The following SPATA7 variants were observed in gnomAD, a reference collection of about 807,000 sequenced individuals.
The protein encoded by SPATA7 is spermatogenesis associated 7.
Under a neutral mutation model 51.8 loss-of-function variants are expected in SPATA7, and 43 were observed. That is an observed-to-expected ratio of 0.83 (90% CI 0.65 to 1.07). SPATA7 has a LOEUF of 1.07. Among genes scored for constraint, SPATA7 ranks in the 50% least tolerant of loss-of-function variants. The pLI is 0.00. For missense variants in SPATA7, 683 were observed against 701.3 expected (o/e 0.97, Z 0.30); for synonymous variants, 230 against 252.8 (o/e 0.91, Z 0.86).
At chr14:88,435,764 C>T (rs2077069245) in intron 10 of SPATA7, among the ~76,000 whole-genome samples, 1 of 152,098 alleles carries the variant, frequency 6.6e-6, no homozygotes, top group Non-Finnish European at 1.5e-5. Context: ...CAGGATCTCA[C>T]TTTTTTAATG....
In SPATA7 at chr14:88,469,501, A is replaced by G. The variant is rs2077421544; in HGVS notation, c.255-346A>G. 4 of 1,610,156 alleles carry G rather than the reference A, an allele frequency of 2.5e-6. No homozygotes were observed. Among genetic ancestry groups the G allele is most frequent in the Non-Finnish European group, 3.4e-6 (4 of 1,176,430 alleles). On this transcript the variant is annotated intron_variant, in intron 4 of 4. Transcript: ENST00000556406. The surrounding 1 kb of genome is among the most constrained non-coding windows in gnomAD (Gnocchi z 4.3). ...GGAACAAAGTTAAAGTCACTCACATAAAAATCCCTTGAGGTCTTCTGGACA... is the reference window on the plus strand; with the variant it reads ...GGAACAAAGTTAAAGTCACTCACATGAAAATCCCTTGAGGTCTTCTGGACA...
At chr14:88,468,237 A>G (rs1340117983) in intron 4 of SPATA7, 3 of 1,610,576 alleles carry the variant, frequency 1.9e-6, no homozygotes, top group South Asian at 1.1e-5. Context: ...TTGCCTCAGC[A>G]TGTCCAGCAC....
chr14:88,466,674 ACT>A (rs777926353), intron 4 of SPATA7: 8 of 151,850 alleles, frequency 5.3e-5, no homozygotes, highest in Admixed American at 1.3e-4. Flanking sequence ...CAGAGATGAC[ACT>A]CTCCCCCTGT....
intron 4 of SPATA7, among the ~76,000 whole-genome samples, chr14:88,400,560 G>A (rs73321843): frequency 0.035 from 5,370 of 152,256 alleles, 310 homozygotes; most frequent in African/African-American, 0.12. Context: ...GAGGCCACAT[G>A]TGGTGGCTCA....
At chr14:88,441,248 C>G (rs976247766), downstream of SPATA7, among the ~76,000 whole-genome samples, 1 of 151,844 alleles carries the variant, frequency 6.6e-6, no homozygotes, top group Admixed American at 6.6e-5. Context: ...ACTTGTTGAT[C>G]GATGGGCATA....
chr14:88,416,994 C>G (rs2076497772), intron 5 of SPATA7, 150 bp downstream of exon 5: 1 of 645,166 alleles, frequency 1.5e-6, no homozygotes, highest in Admixed American at 3.0e-5. Context: ...GTTCAGGCCT[C>G]TGTCACAACT....
chr14:88,397,040 C>T (rs962277223), intron 4 of SPATA7, among the ~76,000 whole-genome samples: 6 of 152,024 alleles, frequency 3.9e-5, no homozygotes, highest in Admixed American at 1.3e-4. Flanking sequence ...CAAGCCACCA[C>T]GCACAGCTAA....
At chr14:88,420,585 T>G (rs2076614500) in intron 5 of SPATA7, among the ~76,000 whole-genome samples, 1 of 152,176 alleles carries the variant, frequency 6.6e-6, no homozygotes, top group African/African-American at 2.4e-5. Flanking sequence ...TTTGAACTTT[T>G]AAATTTTGAA....
chr14:88,466,153 G>A (rs1227558969), intron 4 of SPATA7: 1 of 152,024 alleles, frequency 6.6e-6, no homozygotes. Flanking sequence ...TTCTTCTAAG[G>A]AGCTCGTTCT....
intron 5 of SPATA7, among the ~76,000 whole-genome samples, chr14:88,420,463 G>A (rs1035392882): frequency 3.9e-5 from 6 of 152,148 alleles, no homozygotes; most frequent in African/African-American, 1.2e-4. Flanking sequence ...AATCATTAAT[G>A]TGCAGATCGT....
chr14:88,408,945 C>T (rs968448929), intron 4 of SPATA7, among the ~76,000 whole-genome samples: 1 of 152,070 alleles, frequency 6.6e-6, no homozygotes, highest in African/African-American at 2.4e-5. Context: ...GCCTTGCATC[C>T]CAGGGATGAA....
In SPATA7 at chr14:88,453,566, C is replaced by T. The variant is rs190062331; in HGVS notation, c.178-1494C>T. 8.9e-4 allele frequency among the ~76,000 whole-genome samples: 135 copies of T among 152,182 alleles called. 1 individual carries two copies. The highest frequency in any genetic ancestry group is 4.0e-4 in the Non-Finnish European group (27 of 68,002). ...TGTGTTTTTGATTTCTCAGACCTCA[C>T]GGGGATGAAGGGCCTTGGTTTTAAA... On this transcript the variant is annotated intron_variant, in intron 3 of 3. Transcript: ENST00000554802.
rs145009207 is a variant in SPATA7, at chr14:88,469,013, G to A, written c.255-834G>A. On this transcript the variant is annotated intron_variant, in intron 4 of 4. Coordinates refer to the SPATA7 transcript ENST00000556406. The surrounding 1 kb of genome is among the most constrained non-coding windows in gnomAD (Gnocchi z 4.3). ...GCAGTGGACCAACAACGGAGGGTTGGGGCTTTGGGGATCACTTGTGCTATT... is the reference window on the plus strand; with the variant it reads ...GCAGTGGACCAACAACGGAGGGTTGAGGCTTTGGGGATCACTTGTGCTATT... The A allele has an allele frequency of 9.9e-5, 160 of 1,614,064 alleles. No homozygotes were observed. Among genetic ancestry groups the A allele is most frequent in the Non-Finnish European group, 1.3e-4 (153 of 1,180,054 alleles).
intron 3 of SPATA7, among the ~76,000 whole-genome samples, chr14:88,451,157 G>A (rs1458307515): frequency 1.3e-5 from 2 of 152,030 alleles, no homozygotes; most frequent in Non-Finnish European, 2.9e-5. Context: ...TCTAGAAGTT[G>A]TGCTTTTTGT....
At chr14:88,467,965 G>C in intron 4 of SPATA7, 2 of 873,002 alleles carry the variant, frequency 2.3e-6, no homozygotes, top group East Asian at 5.0e-5. Flanking sequence ...CCCCTCTTCA[G>C]CCTGTGCTTC....
chr14:88,444,384 G>A (rs1231704182), intron 3 of SPATA7, among the ~76,000 whole-genome samples: 1 of 151,756 alleles, frequency 6.6e-6, no homozygotes, highest in Non-Finnish European at 1.5e-5. Flanking sequence ...CTGGATATTA[G>A]CCCTTTGTCA....
At chr14:88,412,911 C>A (rs191678851) in intron 4 of SPATA7, among the ~76,000 whole-genome samples, 2 of 152,118 alleles carry the variant, frequency 1.3e-5, no homozygotes, top group Non-Finnish European at 2.9e-5. Flanking sequence ...CCTAGGTTTT[C>A]TTATAGAATT....
intron 4 of SPATA7, among the ~76,000 whole-genome samples, chr14:88,399,568 T>C (rs1414983451): frequency 6.6e-6 from 1 of 152,204 alleles, no homozygotes; most frequent in Non-Finnish European, 1.5e-5. Context: ...CCTTCCAGAT[T>C]TTTAATTTCT....
intron 1 of SPATA7, among the ~76,000 whole-genome samples, chr14:88,386,841 C>T (rs936506966): frequency 2.0e-5 from 3 of 152,084 alleles, no homozygotes; most frequent in Admixed American, 6.5e-5. Context: ...ATTATATAGT[C>T]ATTGATCAAA....
Sources: allele counts gnomAD v4.1 joint callset (sites outside exome capture counted in the v4.1 genomes callset), GRCh38; gene constraint gnomAD v4.1.1; non-coding constraint Gnocchi (gnomAD v3.1); transcripts MANE v1.5; gene names NCBI Gene and HGNC (gene_info 2026-07-23, HGNC 2026-07-21).